The following VSTM2A variants were observed in gnomAD, a reference collection of about 807,000 sequenced individuals.
VSTM2A encodes the protein V-set and transmembrane domain containing 2A.
In VSTM2A, 13 loss-of-function variants were observed where a neutral mutation model predicts 27.3. The observed-to-expected ratio is 0.48, with a 90% CI of 0.31 to 0.76. VSTM2A has a LOEUF of 0.76. Ranked by LOEUF, VSTM2A falls within the 30% of genes least tolerant of loss-of-function variation. The probability of loss-of-function intolerance (pLI) is 0.05; values close to 1 mark genes in which losing one functional copy is unlikely to be tolerated. For synonymous variants in VSTM2A, 142 were observed against 125.7 expected (o/e 1.13, Z -0.87); for missense variants, 280 against 310.0 (o/e 0.90, Z 0.73).
At chr7:54,560,244 G>A (rs1294102029) in intron 4 of VSTM2A, among the ~76,000 whole-genome samples, 1 of 152,060 alleles carries the variant, frequency 6.6e-6, no homozygotes, top group African/African-American at 2.4e-5. Flanking sequence ...TGTACCCAAA[G>A]TACTGTTGTG....
At chr7:54,564,863 A>G (rs1788671842) in intron 4 of VSTM2A, among the ~76,000 whole-genome samples, 1 of 7,046 alleles carries the variant, frequency 1.4e-4, no homozygotes, top group Non-Finnish European at 1.4e-3. Flanking sequence ...AAAGTTCAAA[A>G]TATGTTATAT....
chr7:54,554,763 G>A (rs1178858761), intron 4 of VSTM2A, among the ~76,000 whole-genome samples: 2 of 152,182 alleles, frequency 1.3e-5, no homozygotes, highest in African/African-American at 2.4e-5. Context: ...GCAGCCTTGG[G>A]CAGCCAGTCA....
intron 4 of VSTM2A, among the ~76,000 whole-genome samples, chr7:54,556,143 T>C (rs1426734509): frequency 1.3e-5 from 2 of 152,218 alleles, no homozygotes; most frequent in Admixed American, 1.3e-4. Flanking sequence ...GCTCTTATTG[T>C]TTCCAATGTT....
At chr7:54,545,083 C>T (rs910218017) in intron 2 of VSTM2A, among the ~76,000 whole-genome samples, 2 of 152,156 alleles carry the variant, frequency 1.3e-5, no homozygotes, top group African/African-American at 4.8e-5. Context: ...ACCACGCTGC[C>T]ACATCCCGGG....
chr7:54,562,661 C>T (rs1224913496), intron 4 of VSTM2A, among the ~76,000 whole-genome samples: 1 of 152,138 alleles, frequency 6.6e-6, no homozygotes, highest in Non-Finnish European at 1.5e-5. Context: ...CTGACTGAGC[C>T]GGGGAAGGGC....
chr7:54,550,016 C>T lies in VSTM2A; in HGVS notation c.480C>T (p.Phe160=), dbSNP rs781550989. The stretch of plus-strand genomic sequence containing the variant: ...GCCATGCCCGCAGAATGCAGGCCTT[C>T]GAAGCCTCGCCCATGTGGCTGCAGG... ...ANSHARRMQA[F]EASPMWLQDM... Residue 160 remains phenylalanine, a synonymous_variant, in exon 4 of 5, where the codon TTC becomes TTT. Transcript: ENST00000402613. 1.1e-5 allele frequency: 17 copies of T among 1,611,526 alleles called. No homozygotes were observed. The highest frequency in any genetic ancestry group is 4.0e-5 in the African/African-American group (3 of 74,866).
chr7:54,561,200 T>C (rs1330857239), intron 4 of VSTM2A, among the ~76,000 whole-genome samples: 1 of 152,254 alleles, frequency 6.6e-6, no homozygotes, highest in Admixed American at 6.5e-5. Context: ...GTTGTGAAGA[T>C]AGGAATTGTG....
chr7:54,549,784 A>G (rs1788120452), intron 3 of VSTM2A, 50 bp from the exon 4 acceptor site: 3 of 1,488,222 alleles, frequency 2.0e-6, no homozygotes, highest in Non-Finnish European at 2.7e-6. Context: ...AAATGGAACA[A>G]AATCATTTGA....
chr7:54,563,991 A>C (rs1270144098), intron 4 of VSTM2A, among the ~76,000 whole-genome samples: 1 of 152,226 alleles, frequency 6.6e-6, no homozygotes, highest in Admixed American at 6.5e-5. Context: ...GTATGTGCAA[A>C]CCTGAATAAA....
At position 54,549,901 on chromosome 7, in the gene VSTM2A, A is replaced by C; in HGVS notation, c.365A>C (p.Glu122Ala). ...LQISKVRKKD[E>A]GLYECRVTDA... ...ATTTCCAAAGTGAGGAAAAAGGATG[A>C]AGGCTTATATGAGTGCAGGGTGACT... Residue 122 changes from glutamate to alanine, a missense_variant, in exon 4 of 5, where the codon GAA becomes GCA. Coordinates refer to ENST00000402613, the MANE Select transcript of VSTM2A (RefSeq NM_001301009.2). 1 of 1,613,808 alleles carries C rather than the reference A, an allele frequency of 6.2e-7. No homozygotes were observed. Among genetic ancestry groups the C allele is most frequent in the Non-Finnish European group, 8.5e-7 (1 of 1,179,802 alleles).
intron 3 of VSTM2A, 98 bp downstream of exon 3, chr7:54,547,095 C>CTGCA: frequency 1.4e-6 from 2 of 1,405,828 alleles, no homozygotes; most frequent in East Asian, 5.4e-5. Context: ...GCAGGACAGC[C>CTGCA]GGACAGCCGG....
chr7:54,550,369 G>A (rs1788151131), intron 4 of VSTM2A, 199 bp downstream of exon 4: 5 of 1,419,828 alleles, frequency 3.5e-6, no homozygotes, highest in African/African-American at 1.4e-5. Context: ...CACCCCGTCA[G>A]TCCCCTAGTG....
chr7:54,547,540 T>C (rs1788042562), intron 3 of VSTM2A, among the ~76,000 whole-genome samples: 1 of 152,192 alleles, frequency 6.6e-6, no homozygotes, highest in African/African-American at 2.4e-5. Context: ...TATAGGAGCT[T>C]GACCTATTGA....
intron 2 of VSTM2A, among the ~76,000 whole-genome samples, chr7:54,545,098 C>A (rs908047096): frequency 2.0e-5 from 3 of 152,200 alleles, no homozygotes; most frequent in East Asian, 3.9e-4. Context: ...CCCGGGACAT[C>A]CGGGAGCCCC....
chr7:54,542,617 T>C lies in VSTM2A; in HGVS notation c.-114T>C. On this transcript the variant is annotated 5_prime_UTR_variant, in exon 1 of 5. Transcript: ENST00000402613. ...CCCTCGCCAAGCAAGCAGCAGGATG[T>C]TTGCAGTGTCGCGCCCAGGGCTCTG... The C allele has an allele frequency of 5.7e-6, 5 of 872,492 alleles. No individual in the cohort carries two copies. The highest frequency in any genetic ancestry group is 9.3e-6 in the Non-Finnish European group (5 of 538,868). 54.0% of individuals were successfully genotyped at this position (872,492 alleles called of 1,614,324 possible).
chr7:54,546,889 G>A, intron 2 of VSTM2A, 58 bp from the exon 3 acceptor site: 8 of 1,587,374 alleles, frequency 5.0e-6, no homozygotes, highest in Non-Finnish European at 6.0e-6. Flanking sequence ...ATGCTCGCGT[G>A]GGAGCGGGTG....
At chr7:54,546,894 C>G in intron 2 of VSTM2A, 53 bp from the exon 3 acceptor site, 1 of 1,590,930 alleles carries the variant, frequency 6.3e-7, no homozygotes, top group Non-Finnish European at 8.5e-7. Context: ...CGCGTGGGAG[C>G]GGGTGGTCGG....
intron 4 of VSTM2A, among the ~76,000 whole-genome samples, chr7:54,555,037 T>C (rs1378360799): frequency 6.6e-6 from 1 of 152,234 alleles, no homozygotes; most frequent in Non-Finnish European, 1.5e-5. Context: ...GATCCCAAAC[T>C]CTTTTAATAG....
At chr7:54,546,753 A>G (rs571883548) in intron 2 of VSTM2A, 194 bp from the exon 3 acceptor site, 70 of 568,052 alleles carry the variant, frequency 1.2e-4, no homozygotes, top group Middle Eastern at 9.2e-4. Context: ...TGCCAGGGAC[A>G]GCGTGGGGTA....
Sources: allele counts gnomAD v4.1 joint callset (sites outside exome capture counted in the v4.1 genomes callset), GRCh38; gene constraint gnomAD v4.1.1; transcripts MANE v1.5; gene names NCBI Gene and HGNC (gene_info 2026-07-23, HGNC 2026-07-21).